The following FYCO1 variants were observed in gnomAD, a reference collection of about 807,000 sequenced individuals.
The protein encoded by FYCO1 is FYVE and coiled-coil domain autophagy adaptor 1, also known as FYVE and coiled-coil domain-containing protein 1.
A neutral mutation model predicts 165.1 loss-of-function variants in FYCO1; 122 were observed. The observed-to-expected ratio is 0.74, with a 90% confidence interval of 0.64 to 0.86. The LOEUF (loss-of-function observed/expected upper bound fraction) is 0.86, where lower values mean the gene tolerates loss of function less well. FYCO1 is among the 40% of genes least tolerant of loss of function. The pLI is 0.00. For missense variants in FYCO1, 1,702 were observed against 1,810.3 expected, an observed-to-expected ratio of 0.94 and a Z score of 1.09; for synonymous variants, 648 against 742.5, an observed-to-expected ratio of 0.87 and a Z score of 2.07.
chr3:45,950,906 C>G (rs924200688), intron 14 of FYCO1, among the ~76,000 whole-genome samples: 7 of 152,188 alleles, frequency 4.6e-5, no homozygotes, highest in Non-Finnish European at 8.8e-5. Flanking sequence ...TTCACCATAT[C>G]CTGTTCTCAT....
intron 14 of FYCO1, chr3:45,945,850 C>T (rs1013201391): frequency 6.6e-6 from 1 of 152,244 alleles, no homozygotes; most frequent in African/African-American, 2.4e-5. Flanking sequence ...CTTTGAAAAT[C>T]TATGCAATTG....
intron 15 of FYCO1, among the ~76,000 whole-genome samples, chr3:45,934,315 C>G (rs1347904237): frequency 6.6e-6 from 1 of 152,066 alleles, no homozygotes; most frequent in African/African-American, 2.4e-5. Flanking sequence ...ATAGGAAAAA[C>G]CCAAAGAAAT....
rs150856238 is a variant in FYCO1, at chr3:45,978,554, G to C, written c.288+1151C>G. Among the ~76,000 whole-genome samples the C allele has an allele frequency of 2.4e-4, 36 of 152,326 alleles. 1 individual carries two copies. In the East Asian group the frequency reaches 6.9e-3, roughly 29 times the overall value. ...AGAAAGTCATTTAGCTCCAGCTGGC[G>C]TGTTTGGTGAGGAGCCCTTCCCAGA... On this transcript the variant is annotated intron_variant, in intron 4 of 17. Transcript: ENST00000296137.
At position 45,962,257 on chromosome 3, in the gene FYCO1, C is replaced by T. The variant is rs780658932; in HGVS notation, c.3405G>A (p.Lys1135=). Residue 1135 remains lysine, a synonymous_variant, in exon 11 of 18, where the codon AAG becomes AAA. Transcript: ENST00000296137. The surrounding 1 kb of genome is among the most constrained non-coding windows in gnomAD (Gnocchi z 4.4). Reference sequence around the variant, plus strand: ...GCTCTATCAGCCGCTCCTCGAGATACTTCTTGGTTCTGTTGAGGTCATCCA... The same window carrying T: ...GCTCTATCAGCCGCTCCTCGAGATATTTCTTGGTTCTGTTGAGGTCATCCA... The part of the protein sequence containing the change: ...ADLDDLNRTK[K]YLEERLIELL... 27 of 1,614,124 alleles carry T rather than the reference C, an allele frequency of 1.7e-5. No homozygotes were observed. The highest frequency in any genetic ancestry group is 5.0e-5 in the Admixed American group (3 of 60,016).
At position 45,968,539 on chromosome 3, in the gene FYCO1, T is replaced by C. The variant is rs771027511; in HGVS notation, c.795A>G (p.Ala265=). The part of the protein sequence containing the change: ...QLDRENQELR[A]AVSQQGEQLQ... Reference sequence around the variant, plus strand: ...GTTGCTCCCCTTGCTGGCTGACAGCTGCCCTCAGCTCCTGGTTCTCTCTGT... The same window carrying C: ...GTTGCTCCCCTTGCTGGCTGACAGCCGCCCTCAGCTCCTGGTTCTCTCTGT... Residue 265 remains alanine (A), a synonymous_variant, in exon 8 of 18, where the codon GCA becomes GCG. Coordinates refer to ENST00000296137, the MANE Select transcript of FYCO1 (RefSeq NM_024513.4). 5.0e-6 allele frequency: 8 copies of C among 1,613,922 alleles called. No individual in the cohort carries two copies. Among genetic ancestry groups the C allele is most frequent in the Middle Eastern group, 3.3e-4 (2 of 6,084 alleles).
chr3:45,951,101 A>C (rs1704991465), intron 14 of FYCO1, among the ~76,000 whole-genome samples: 3 of 152,134 alleles, frequency 2.0e-5, no homozygotes, highest in African/African-American at 7.2e-5. Flanking sequence ...TATCTGAAGG[A>C]TCTTCTTTGC....
chr3:45,928,763 T>G (rs576599017), intron 16 of FYCO1, among the ~76,000 whole-genome samples: 1 of 151,902 alleles, frequency 6.6e-6, no homozygotes, highest in Non-Finnish European at 1.5e-5. Context: ...TTCCCAGGGG[T>G]ACCCACAGTG....
At chr3:45,963,850 AG>A (rs1416597275) in intron 10 of FYCO1, among the ~76,000 whole-genome samples, 3 of 152,180 alleles carry the variant, frequency 2.0e-5, no homozygotes, top group Non-Finnish European at 4.4e-5. Context: ...GCACAAAGAC[AG>A]GCTGATCCTG....
At chr3:45,931,529 G>A (rs1219017756) in intron 15 of FYCO1, among the ~76,000 whole-genome samples, 1 of 152,200 alleles carries the variant, frequency 6.6e-6, no homozygotes, top group African/African-American at 2.4e-5. Flanking sequence ...AAATACAGAT[G>A]ACACCTTTGC....
At chr3:45,944,806 A>G (rs974105763) in intron 14 of FYCO1, among the ~76,000 whole-genome samples, 2 of 152,246 alleles carry the variant, frequency 1.3e-5, no homozygotes, top group Non-Finnish European at 2.9e-5. Context: ...GAGTCAAGCA[A>G]TAATGGGGAG....
chr3:45,934,335 G>C (rs967975456), intron 15 of FYCO1, among the ~76,000 whole-genome samples: 16 of 152,278 alleles, frequency 1.1e-4, no homozygotes, highest in African/African-American at 3.6e-4. Flanking sequence ...TTCATGCCAA[G>C]ACCCATCATA....
chr3:45,958,849 G>C (rs887508888), intron 12 of FYCO1, among the ~76,000 whole-genome samples: 1 of 152,216 alleles, frequency 6.6e-6, no homozygotes, highest in African/African-American at 2.4e-5. Flanking sequence ...GGGAGACAAA[G>C]TGTGGCTGAG....
At chr3:45,978,552 G>A (rs548794340) in intron 4 of FYCO1, among the ~76,000 whole-genome samples, 11 of 152,340 alleles carry the variant, frequency 7.2e-5, no homozygotes, top group African/African-American at 2.4e-4. Flanking sequence ...GCTCCAGCTG[G>A]CGTGTTTGGT....
chr3:45,922,520 C>A (rs1703131494), intron 17 of FYCO1, among the ~76,000 whole-genome samples: 1 of 152,210 alleles, frequency 6.6e-6, no homozygotes, highest in African/African-American at 2.4e-5. Context: ...ACTGCCCTAT[C>A]CTGTTCAAGA....
chr3:45,938,843 G>A (rs1413187806), intron 14 of FYCO1, among the ~76,000 whole-genome samples: 4 of 152,220 alleles, frequency 2.6e-5, no homozygotes, highest in Non-Finnish European at 2.9e-5. Context: ...CTAGGTAGCC[G>A]TGCAAAATGT....
rs771998478 is a variant in FYCO1, at chr3:45,979,769, C to T, written c.224G>A (p.Cys75Tyr). ...GNKKDYWDYF[C>Y]ACLAKVKGAN... ...TCCTTTCACCTTGGCCAGGCAGGCA[C>T]AGAAGTAATCCCAGTAGTCCTTCTT... Residue 75 changes from cysteine to tyrosine, a missense_variant, in exon 4 of 18, where the codon TGT (cysteine) becomes TAT (tyrosine). Cys to Tyr is a radical substitution (Grantham distance 194). Coordinates refer to ENST00000296137, the MANE Select transcript of FYCO1 (RefSeq NM_024513.4). 6 of 1,614,012 alleles carry T rather than the reference C, an allele frequency of 3.7e-6. No individual in the cohort carries two copies. Among genetic ancestry groups the T allele is most frequent in the South Asian group, 2.2e-5 (2 of 91,086 alleles).
chr3:45,987,015 C>G (rs1010133671), intron 1 of FYCO1, among the ~76,000 whole-genome samples: 1 of 152,086 alleles, frequency 6.6e-6, no homozygotes, highest in Non-Finnish European at 1.5e-5. Context: ...AAGAGGCTCA[C>G]GTAGAGATAT....
In FYCO1 at chr3:45,966,664, C is replaced by T. The variant is rs1454242779; in HGVS notation, c.2670G>A (p.Glu890=). ...AKCSSEEAQL[E]HAELQEQLHR... is the part of the protein sequence containing the mutation. Reference sequence around the variant, plus strand: ...GCAGCTGCTCTTGCAGCTCAGCGTGCTCCAGCTGTGCTTCCTCGGAGCTGC... The same window carrying T: ...GCAGCTGCTCTTGCAGCTCAGCGTGTTCCAGCTGTGCTTCCTCGGAGCTGC... The change falls in exon 8 of 18, where the codon GAG becomes GAA. Residue 890 remains glutamate, a synonymous_variant. Transcript: ENST00000296137. 1.9e-6 allele frequency: 3 copies of T among 1,614,024 alleles called. No individual in the cohort carries two copies. Among genetic ancestry groups the T allele is most frequent in the East Asian group, 2.2e-5 (1 of 44,900 alleles).
chr3:45,956,792 T>A (rs571478459), intron 13 of FYCO1, among the ~76,000 whole-genome samples: 1 of 152,288 alleles, frequency 6.6e-6, no homozygotes, highest in East Asian at 1.9e-4. Flanking sequence ...ATGGACTGAG[T>A]CAATTTTATT....
Sources: gnomAD v4.1 joint callset for allele counts (sites outside exome capture counted in the v4.1 genomes callset) on GRCh38, gnomAD v4.1.1 for gene constraint, Gnocchi (gnomAD v3.1) non-coding constraint, MANE v1.5 for transcripts, NCBI Gene and HGNC (gene_info 2026-07-23, HGNC 2026-07-21) for gene names.